The following MAGI1 variants were observed in gnomAD, a reference collection of about 807,000 sequenced individuals.
MAGI1 encodes membrane-associated guanylate kinase, WW and PDZ domain-containing protein 1.
MAGI1 carries 58 observed loss-of-function variants against 139.9 expected under a neutral mutation model. The ratio of observed to expected loss-of-function variants is 0.41; its 90% CI spans 0.34 to 0.52. MAGI1 has a LOEUF of 0.52. Ranked by LOEUF, MAGI1 falls within the 20% of genes least tolerant of loss-of-function variation. MAGI1 has a pLI of 0.12. For synonymous variants in MAGI1, 812 were observed against 737.9 expected, an observed-to-expected ratio of 1.10 and a Z score of -1.63; for missense variants, 1,874 against 1,901.6, an observed-to-expected ratio of 0.99 and a Z score of 0.27.
intron 1 of MAGI1, among the ~76,000 whole-genome samples, chr3:65,816,097 G>A (rs1277026057): frequency 6.6e-6 from 1 of 152,068 alleles, no homozygotes; most frequent in African/African-American, 2.4e-5. Flanking sequence ...TGGTGCCTGG[G>A]TCCGAGCCCC....
At chr3:65,838,156 A>G (rs2058689582) in intron 1 of MAGI1, among the ~76,000 whole-genome samples, 1 of 151,118 alleles carries the variant, frequency 6.6e-6, no homozygotes, top group Non-Finnish European at 1.5e-5. Flanking sequence ...CTAAAAATAC[A>G]AAAAAATTAG....
chr3:65,584,955 A>G (rs1437886748), intron 2 of MAGI1, among the ~76,000 whole-genome samples: 1 of 152,230 alleles, frequency 6.6e-6, no homozygotes, highest in African/African-American at 2.4e-5. Flanking sequence ...ATTGTGAGAA[A>G]GGCAGACGGG....
intron 10 of MAGI1, among the ~76,000 whole-genome samples, chr3:65,434,459 T>C (rs1947691522): frequency 6.6e-6 from 1 of 152,136 alleles, no homozygotes; most frequent in African/African-American, 2.4e-5. Context: ...ATCTCCAAAT[T>C]ATCACTTGCT....
intron 2 of MAGI1, among the ~76,000 whole-genome samples, chr3:65,501,574 G>A (rs2077084822): frequency 6.6e-6 from 1 of 151,830 alleles, no homozygotes. Flanking sequence ...GCAAAAATAT[G>A]GAGCAACTAG....
At chr3:66,017,011 T>C (rs749367638) in intron 1 of MAGI1, among the ~76,000 whole-genome samples, 10 of 152,254 alleles carry the variant, frequency 6.6e-5, no homozygotes, top group Middle Eastern at 3.4e-3. Context: ...GAGTTGGTAA[T>C]AGGCACAGTA....
intron 18 of MAGI1, among the ~76,000 whole-genome samples, chr3:65,372,474 T>A (rs1942095457): frequency 6.6e-6 from 1 of 152,204 alleles, no homozygotes. Context: ...TCTGAAAGGT[T>A]CTAGGATTTT....
intron 1 of MAGI1, among the ~76,000 whole-genome samples, chr3:65,774,875 T>C (rs888986977): frequency 7.2e-5 from 11 of 152,166 alleles, no homozygotes; most frequent in Non-Finnish European, 1.5e-4. Flanking sequence ...GTCTTCACTA[T>C]TGATAGCTAC....
chr3:65,921,576 C>A (rs986436802), intron 1 of MAGI1, among the ~76,000 whole-genome samples: 7 of 152,062 alleles, frequency 4.6e-5, no homozygotes, highest in African/African-American at 1.7e-4. Context: ...TCCCAAAGTA[C>A]TGGAATCATA....
chr3:65,916,387 A>C (rs2061906547), intron 1 of MAGI1, among the ~76,000 whole-genome samples: 2 of 152,300 alleles, frequency 1.3e-5, no homozygotes, highest in South Asian at 2.1e-4. Context: ...TAATTTATAA[A>C]GAAAAAGAGG....
At chr3:65,562,954 T>C (rs183463862) in intron 2 of MAGI1, among the ~76,000 whole-genome samples, 2 of 152,352 alleles carry the variant, frequency 1.3e-5, no homozygotes, top group East Asian at 1.9e-4. Context: ...TTTCATGATA[T>C]AAACCATACT....
intron 2 of MAGI1, among the ~76,000 whole-genome samples, chr3:65,569,877 A>G (rs75116735): frequency 2.1e-5 from 3 of 145,664 alleles, no homozygotes; most frequent in East Asian, 2.0e-4. Flanking sequence ...CCTGTCTCAG[A>G]AAAAAAAAAA....
At chr3:65,735,207 G>A (rs761847139) in intron 1 of MAGI1, among the ~76,000 whole-genome samples, 4 of 152,068 alleles carry the variant, frequency 2.6e-5, no homozygotes, top group Non-Finnish European at 5.9e-5. Context: ...GAATGAATAA[G>A]AGCCATGTAG....
At chr3:65,547,898 A>G (rs1255637862) in intron 2 of MAGI1, among the ~76,000 whole-genome samples, 1 of 152,216 alleles carries the variant, frequency 6.6e-6, no homozygotes, top group Admixed American at 6.5e-5. Flanking sequence ...AACATACCAC[A>G]TGTTGAGAAA....
intron 1 of MAGI1, among the ~76,000 whole-genome samples, chr3:65,931,746 T>C (rs1230339372): frequency 6.6e-6 from 1 of 152,096 alleles, no homozygotes; most frequent in African/African-American, 2.4e-5. Flanking sequence ...CCGCTATTAT[T>C]CCTCTCTGTG....
chr3:65,694,429 G>A (rs1389212640), intron 1 of MAGI1, among the ~76,000 whole-genome samples: 1 of 142,468 alleles, frequency 7.0e-6, no homozygotes, highest in East Asian at 2.3e-4. Flanking sequence ...ATGCCTGGCG[G>A]GTAGTAAGTG....
intron 1 of MAGI1, among the ~76,000 whole-genome samples, chr3:65,710,269 C>CTTTTTTTTTTTT (rs1175790063): frequency 1.5e-5 from 1 of 66,876 alleles, no homozygotes; most frequent in Non-Finnish European, 2.8e-5. Flanking sequence ...CCTTACATTT[C>CTTTTTTTTTTTT]TTTTTTTTTT....
chr3:65,963,219 G>T (rs975664809), intron 1 of MAGI1, among the ~76,000 whole-genome samples: 15 of 148,520 alleles, frequency 1.0e-4, no homozygotes, highest in African/African-American at 3.5e-4. Context: ...GGCTGAAGCA[G>T]AAGAATTGCT....
Position 65,357,061 on chromosome 3 carries a change from G to A in MAGI1, c.3706C>T (p.Arg1236Cys), listed in dbSNP as rs768709936. The A allele has an allele frequency of 1.9e-6, 3 of 1,614,168 alleles. No homozygotes were observed. Reference protein sequence around the residue: ...GVPEVRAGPDRRQHPSLESSY... With the variant: ...GVPEVRAGPDCRQHPSLESSY... ...GACTCCAATGACGGATGCTGCCGGC[G>A]GTCGGGCCCGGCCCTCACTTCCGGA... The change falls in exon 23 of 23, where the codon CGC (arginine) becomes TGC (cysteine). Residue 1236 changes from arginine to cysteine, a missense_variant. Arg to Cys is a radical substitution (Grantham distance 180, BLOSUM62 -3). Transcript: ENST00000402939.
At chr3:65,921,028 C>CA (rs111680943) in intron 1 of MAGI1, among the ~76,000 whole-genome samples, 2,269 of 124,078 alleles carry the variant, frequency 0.018, 40 homozygotes, top group East Asian at 0.052. Flanking sequence ...GGTTCTGTCT[C>CA]AAAAAAAAAA....
Sources: gnomAD v4.1 joint callset for allele counts (sites outside exome capture counted in the v4.1 genomes callset) on GRCh38, gnomAD v4.1.1 for gene constraint, MANE v1.5 for transcripts, NCBI Gene and HGNC (gene_info 2026-07-23, HGNC 2026-07-21) for gene names.